The following IGFN1 variants were observed in gnomAD, a reference collection of about 807,000 sequenced individuals.
IGFN1 encodes immunoglobulin like and fibronectin type III domain containing 1.
IGFN1 carries 253 observed loss-of-function variants against 289.5 expected under a neutral mutation model. The observed-to-expected ratio is 0.87, with a 90% CI of 0.79 to 0.97. The LOEUF (loss-of-function observed/expected upper bound fraction) is 0.97, where lower values mean the gene tolerates loss of function less well. IGFN1 is among the 50% of genes least tolerant of loss of function. The pLI, the probability that IGFN1 is intolerant of heterozygous loss-of-function variation, is 0.00. For synonymous variants in IGFN1, 1,706 were observed against 1,788.5 expected, an observed-to-expected ratio of 0.95 and a Z score of 1.16; for missense variants, 4,470 against 4,686.1, an observed-to-expected ratio of 0.95 and a Z score of 1.35.
chr1:201,211,012 C>G lies in IGFN1; in HGVS notation c.6119C>G (p.Ala2040Gly), dbSNP rs58792551. 683 of 1,246,694 alleles carry G rather than the reference C, an allele frequency of 5.5e-4. No individual in the cohort carries two copies. The highest frequency in any genetic ancestry group is 2.5e-3 in the East Asian group (80 of 31,430). 77.2% of individuals were successfully genotyped at this position (1,246,694 alleles called of 1,614,324 possible). The change falls in exon 12 of 24, where the codon GCT becomes GGT. Residue 2040 changes from alanine to glycine, a missense_variant. Coordinates refer to ENST00000335211, the MANE Select transcript of IGFN1 (RefSeq NM_001164586.2). ...DEAGYRKDLG[A>G]PERIGSGSKA... is the part of the protein sequence containing the mutation. ...GCAGGTTATAGGAAGGATTTGGGGG[C>G]TCCTGAGAGAATAGGTTCAGGAAGT...
In IGFN1 at chr1:201,207,263, G is replaced by T; in HGVS notation, c.2370G>T (p.Glu790Asp). ...DPRGCEGVLQ[E>D]LRGRDGQETA... ...GAGGCTGCGAAGGTGTCCTACAGGA[G>T]CTCAGGGGAAGGGATGGCCAGGAAA... The change falls in exon 12 of 24, where the codon GAG becomes GAT. Residue 790 changes from glutamate to aspartate, a missense_variant. Around this residue, in one of 8 missense-constraint regions of IGFN1, gnomAD observed 2,011 missense variants for 1,953.4 expected, o/e 1.03. Coordinates refer to ENST00000335211, the MANE Select transcript of IGFN1 (RefSeq NM_001164586.2). 2 of 1,536,798 alleles carry T rather than the reference G, an allele frequency of 1.3e-6. No homozygotes were observed. The highest frequency in any genetic ancestry group is 1.7e-6 in the Non-Finnish European group (2 of 1,146,886).
rs551973738 is a variant in IGFN1 at position 201,212,290 on chromosome 1, A to G, written c.7397A>G (p.Asp2466Gly). Residue 2466 changes from aspartate to glycine, a missense_variant, in exon 12 of 24, where the codon GAT (aspartate) becomes GGT (glycine). Around this residue, in one of 8 missense-constraint regions of IGFN1, gnomAD observed 2,218 missense variants for 2,114.1 expected, o/e 1.05. Coordinates refer to ENST00000335211, the MANE Select transcript of IGFN1 (RefSeq NM_001164586.2). ...TCAGATGAGCGAGGCTCCACCAAAG[A>G]TCTTGGGGGCTATGGAACTTCAGGG... ...TLSDERGSTK[D>G]LGGYGTSGIP... 1.3e-6 allele frequency: 2 copies of G among 1,536,352 alleles called. No individual in the cohort carries two copies. Among genetic ancestry groups the G allele is most frequent in the South Asian group, 2.4e-5 (2 of 84,034 alleles).
chr1:201,200,807 G>A (rs2102324682), intron 8 of IGFN1, among the ~76,000 whole-genome samples: 3 of 151,814 alleles, frequency 2.0e-5, no homozygotes, highest in Non-Finnish European at 4.4e-5. Flanking sequence ...AGATTGCGGG[G>A]GGGAGGTACC....
chr1:201,225,928 C>T lies in IGFN1; in HGVS notation c.10591C>T (p.His3531Tyr), dbSNP rs759441311. 3 of 1,605,938 alleles carry T rather than the reference C, an allele frequency of 1.9e-6. No homozygotes were observed. The highest frequency in any genetic ancestry group is 2.6e-6 in the Non-Finnish European group (3 of 1,176,264). Reference protein sequence around the residue: ...SPDEAQDVPLHYAVFTRSSAH... With the variant: ...SPDEAQDVPLYYAVFTRSSAH... ...TGACGAGGCCCAGGATGTCCCGCTG[C>T]ACTACGCGGTGTTCACACGCTCCTC... The change falls in exon 22 of 24, where the codon CAC becomes TAC. Residue 3531 changes from histidine (H) to tyrosine (Y), a missense_variant. Physicochemically the swap from His to Tyr is moderately conservative, Grantham distance 83 (BLOSUM62 2). Around this residue, in one of 8 missense-constraint regions of IGFN1, gnomAD observed 2,218 missense variants for 2,114.1 expected, o/e 1.05. Coordinates refer to ENST00000335211, the MANE Select transcript of IGFN1 (RefSeq NM_001164586.2).
chr1:201,208,812 A>G lies in IGFN1; in HGVS notation c.3919A>G (p.Arg1307Gly), dbSNP rs1427201391. ...NMGSGSKADY[R>G]DGVGGSGAMG... ...GGGTTCGGGGAGCAAGGCAGATTAT[A>G]GGGATGGTGTAGGGGGTTCTGGGGC... Residue 1307 changes from arginine to glycine, a missense_variant, in exon 12 of 24, where the codon AGG becomes GGG. This residue lies in a region of IGFN1 where 2,011 missense variants were observed against 1,953.4 expected (regional missense o/e 1.03). Coordinates refer to ENST00000335211, the MANE Select transcript of IGFN1 (RefSeq NM_001164586.2). The G allele has an allele frequency of 4.6e-6, 7 of 1,536,472 alleles. 1 individual carries two copies. The South Asian group carries it at 7.1e-5, about 16-fold the overall frequency.
In IGFN1 at chr1:201,207,486, C is replaced by T; in HGVS notation, c.2593C>T (p.Gln865Ter). The T allele has an allele frequency of 1.3e-6, 2 of 1,532,696 alleles. No homozygotes were observed. The highest frequency in any genetic ancestry group is 1.4e-5 in the African/African-American group (1 of 72,932). 94.9% of individuals were successfully genotyped at this position (1,532,696 alleles called of 1,614,324 possible). A position where few individuals can be genotyped will look rare whatever the true frequency, so the allele number is the denominator to read the frequency against. ...GPGVLGPSGG[Q>*]EGMGGIWVAG... is the part of the protein sequence containing the mutation. ...TGGAGTGCTGGGGCCCAGTGGAGGA[C>T]AAGAGGGTATGGGTGGTATCTGGGT... Residue 865 changes from glutamine to a stop codon, truncating the protein, a stop_gained, in exon 12 of 24, where the codon CAA (glutamine) becomes TAA (stop). Transcript: ENST00000335211. LOFTEE classifies it high-confidence loss of function.
rs1279193576 is a variant in IGFN1 at position 201,216,719 on chromosome 1, C to A, written c.9561C>A (p.Ala3187=). Residue 3187 remains alanine, a synonymous_variant, in exon 16 of 24, where the codon GCC becomes GCA. Coordinates refer to ENST00000335211, the MANE Select transcript of IGFN1 (RefSeq NM_001164586.2). ...RAVTSEGAGE[A]LESEEILVAP... is the part of the protein sequence containing the mutation. ...TGACCTCAGAGGGGGCTGGCGAGGC[C>A]CTGGAGTCTGAGGAGATATTGGTGG... 3.7e-6 allele frequency: 6 copies of A among 1,612,906 alleles called. No individual in the cohort carries two copies. Among genetic ancestry groups the A allele is most frequent in the East Asian group, 2.2e-5 (1 of 44,840 alleles).
rs1572159389 is a variant in IGFN1, at chr1:201,194,234, G to C, written c.88G>C (p.Asp30His). Reference sequence around the variant, plus strand: ...GATCCCTGAAGGCTGCAGCACGCCGGACTTTGAGCAGAAGCCCGTCACCTC... The same window carrying C: ...GATCCCTGAAGGCTGCAGCACGCCGCACTTTGAGCAGAAGCCCGTCACCTC... The part of the protein sequence containing the change: ...EEIPEGCSTP[D>H]FEQKPVTSAL... Residue 30 changes from aspartate to histidine, a missense_variant, in exon 3 of 24, where the codon GAC (aspartate) becomes CAC (histidine). Asp to His is a moderately conservative substitution (Grantham distance 81). Around this residue, in one of 8 missense-constraint regions of IGFN1, gnomAD observed 2,011 missense variants for 1,953.4 expected, o/e 1.03. Transcript: ENST00000335211. 1 of 1,551,600 alleles carries C rather than the reference G, an allele frequency of 6.4e-7. No individual in the cohort carries two copies. The highest frequency in any genetic ancestry group is 8.7e-7 in the Non-Finnish European group (1 of 1,146,944).
chr1:201,194,248 G>A lies in IGFN1; in HGVS notation c.102G>A (p.Lys34=), dbSNP rs1176013625. The A allele has an allele frequency of 1.9e-6, 3 of 1,551,502 alleles. No homozygotes were observed. Among genetic ancestry groups the A allele is most frequent in the Non-Finnish European group, 2.6e-6 (3 of 1,146,950 alleles). Residue 34 remains lysine (K), a synonymous_variant, in exon 3 of 24, where the codon AAG becomes AAA. Transcript: ENST00000335211. ...GCAGCACGCCGGACTTTGAGCAGAA[G>A]CCCGTCACCTCGGCTCTGCCAGAGG... ...EGCSTPDFEQ[K]PVTSALPEGK...
At chr1:201,191,861 GTGA>G (rs1274039227) in intron 1 of IGFN1, among the ~76,000 whole-genome samples, 1 of 152,114 alleles carries the variant, frequency 6.6e-6, no homozygotes, top group Non-Finnish European at 1.5e-5. Flanking sequence ...GCTGCTCGTG[GTGA>G]TGATGTGGGT....
At chr1:201,197,151 G>C in intron 4 of IGFN1, 67 bp from the exon 5 acceptor site, 1 of 930,922 alleles carries the variant, frequency 1.1e-6, no homozygotes, top group Non-Finnish European at 1.7e-6. Context: ...CCAACACATA[G>C]CCGTGTCTAG....
chr1:201,195,712 C>T (rs1301526041), intron 3 of IGFN1, 127 bp from the exon 4 acceptor site: 2 of 1,027,594 alleles, frequency 1.9e-6, no homozygotes, highest in East Asian at 2.7e-5. Context: ...CAAGGCCTGG[C>T]ATCCTTTTTG....
chr1:201,213,612 G>A lies in IGFN1; in HGVS notation c.8719G>A (p.Asp2907Asn), dbSNP rs763842675. The A allele has an allele frequency of 1.9e-6, 3 of 1,613,500 alleles. No individual in the cohort carries two copies. The highest frequency in any genetic ancestry group is 1.7e-5 in the Admixed American group (1 of 59,992). Residue 2907 changes from aspartate (D) to asparagine (N), a missense_variant, in exon 12 of 24, where the codon GAT (aspartate) becomes AAT (asparagine). Physicochemically the swap from Asp to Asn is conservative, Grantham distance 23. Around this residue, in one of 8 missense-constraint regions of IGFN1, gnomAD observed 2,218 missense variants for 2,114.1 expected, o/e 1.05. Coordinates refer to ENST00000335211, the MANE Select transcript of IGFN1 (RefSeq NM_001164586.2). ...GCCTGGCACTGGCAGTTTCTCCAAG[G>A]ATGCCCAAGGTAGGTGCTTCTCTGC... Reference protein sequence around the residue: ...YKPGTGSFSKDAQGPMGHFSQ... With the variant: ...YKPGTGSFSKNAQGPMGHFSQ...
chr1:201,198,913 A>G (rs538340693), intron 5 of IGFN1, among the ~76,000 whole-genome samples: 1 of 152,352 alleles, frequency 6.6e-6, no homozygotes, highest in Non-Finnish European at 1.5e-5. Flanking sequence ...TTAGCCAAAC[A>G]GCAATGTCTG....
chr1:201,194,983 C>T (rs994613058), intron 3 of IGFN1, among the ~76,000 whole-genome samples: 4 of 152,052 alleles, frequency 2.6e-5, no homozygotes, highest in Admixed American at 1.3e-4. Context: ...TCCTTGAGGG[C>T]GGGCAGTTCC....
In IGFN1 at chr1:201,215,709, GT is replaced by G; in HGVS notation, c.9167del (p.Val3056GlyfsTer25). The G allele has an allele frequency of 6.2e-7, 1 of 1,613,460 alleles. No homozygotes were observed. The highest frequency in any genetic ancestry group is 8.5e-7 in the Non-Finnish European group (1 of 1,179,768). On this transcript the variant is annotated frameshift_variant, in exon 15 of 24. Transcript: ENST00000335211. LOFTEE classifies it high-confidence loss of function. The stretch of plus-strand genomic sequence containing the variant: ...GGGCAGCAGTGACAGGGAGGCCCAG[GT>G]GGACCTGGGGGATGGCTACACGCGG... ...VVGSSDREAQ[V>X]DLGDGYTRLC... is the part of the protein sequence containing the mutation.
Position 201,225,836 on chromosome 1 carries a change from C to G in IGFN1, c.10499C>G (p.Ala3500Gly). Reference protein sequence around the residue: ...FRIRVAACPQAPGPIHLQENV... With the variant: ...FRIRVAACPQGPGPIHLQENV... ...GTCTCTCCTGAAGCATGCCCGCAGG[C>G]CCCTGGGCCCATCCACCTGCAGGAG... The change falls in exon 22 of 24, where the codon GCC (alanine) becomes GGC (glycine). Residue 3500 changes from alanine to glycine, a missense_variant. Ala to Gly is a moderately conservative substitution (Grantham distance 60, BLOSUM62 0). Coordinates refer to ENST00000335211, the MANE Select transcript of IGFN1 (RefSeq NM_001164586.2). 6.2e-7 allele frequency: 1 copy of G among 1,612,020 alleles called. No individual in the cohort carries two copies. Among genetic ancestry groups the G allele is most frequent in the Non-Finnish European group, 8.5e-7 (1 of 1,179,514 alleles).
In IGFN1 at chr1:201,212,194, G is replaced by T; in HGVS notation, c.7301G>T (p.Gly2434Val). ...PGMAGMPGTA[G>V]GMAHRDSLRG... ...ATGGCTGGAATGCCAGGCACTGCAG[G>T]TGGCATGGCACACAGAGACAGCCTC... Residue 2434 changes from glycine (G) to valine (V), a missense_variant, in exon 12 of 24, where the codon GGT (glycine) becomes GTT (valine). Physicochemically the swap from Gly to Val is moderately radical, Grantham distance 109 (BLOSUM62 -3). Around this residue, in one of 8 missense-constraint regions of IGFN1, gnomAD observed 2,218 missense variants for 2,114.1 expected, o/e 1.05. Coordinates refer to ENST00000335211, the MANE Select transcript of IGFN1 (RefSeq NM_001164586.2). 1 of 1,535,354 alleles carries T rather than the reference G, an allele frequency of 6.5e-7. No homozygotes were observed. The highest frequency in any genetic ancestry group is 8.7e-7 in the Non-Finnish European group (1 of 1,146,186).
In IGFN1 at chr1:201,208,019, C is replaced by T; in HGVS notation, c.3126C>T (p.Gly1042=). 6.5e-7 allele frequency: 1 copy of T among 1,536,908 alleles called. No homozygotes were observed. Among genetic ancestry groups the T allele is most frequent in the Non-Finnish European group, 8.7e-7 (1 of 1,146,846 alleles). ...GSGRVASLKN[G]SGGPDGAPMN... ...GGAGAGTTGCCAGTCTTAAAAATGGCTCAGGTGGTCCTGATGGAGCACCCA... is the reference window on the plus strand; with the variant it reads ...GGAGAGTTGCCAGTCTTAAAAATGGTTCAGGTGGTCCTGATGGAGCACCCA... The change falls in exon 12 of 24, where the codon GGC becomes GGT. Residue 1042 remains glycine, a synonymous_variant. Coordinates refer to ENST00000335211, the MANE Select transcript of IGFN1 (RefSeq NM_001164586.2).
Sources: allele counts gnomAD v4.1 joint callset (sites outside exome capture counted in the v4.1 genomes callset), GRCh38; gene constraint gnomAD v4.1.1; regional missense constraint gnomAD v4.1.1; transcripts MANE v1.5; gene names NCBI Gene and HGNC (gene_info 2026-07-23, HGNC 2026-07-21).